NPAS2: variants seen among roughly 807,000 people sequenced by gnomAD.
NPAS2 encodes the protein neuronal PAS domain protein 2.
In NPAS2, 23 loss-of-function variants were observed where a neutral mutation model predicts 107.5. The ratio of observed to expected loss-of-function variants is 0.21; its 90% CI spans 0.15 to 0.30. The LOEUF is 0.30. Ranked by LOEUF, NPAS2 falls within the 10% of genes least tolerant of loss-of-function variation. The pLI is 1.00. For missense variants in NPAS2, 756 were observed against 1,043.3 expected (o/e 0.72, Z 3.79); for synonymous variants, 403 against 417.5 (o/e 0.97, Z 0.42).
At chr2:100,847,409 G>T (rs1573453325) in intron 1 of NPAS2, among the ~76,000 whole-genome samples, 2 of 151,000 alleles carry the variant, frequency 1.3e-5, no homozygotes, top group Admixed American at 1.3e-4. Flanking sequence ...TCGCTCTTTC[G>T]CCCAGGCTGG....
At chr2:100,866,740 C>T (rs917532396) in intron 1 of NPAS2, among the ~76,000 whole-genome samples, 1 of 152,176 alleles carries the variant, frequency 6.6e-6, no homozygotes, top group Non-Finnish European at 1.5e-5. Flanking sequence ...GTGAACAAAA[C>T]AAAGATTCCT....
chr2:100,890,572 G>A (rs577784917), intron 1 of NPAS2, among the ~76,000 whole-genome samples: 6 of 152,124 alleles, frequency 3.9e-5, no homozygotes, highest in Admixed American at 1.3e-4. Flanking sequence ...AGCCACTTGA[G>A]GGGCTCCAAA....
intron 3 of NPAS2, among the ~76,000 whole-genome samples, chr2:100,926,279 CT>C (rs1683555773): frequency 6.6e-6 from 1 of 152,090 alleles, no homozygotes; most frequent in South Asian, 2.1e-4. Context: ...GTTTTCACTT[CT>C]TTTGTTTGTA....
intron 1 of NPAS2, among the ~76,000 whole-genome samples, chr2:100,876,053 G>T (rs1224857735): frequency 6.6e-6 from 1 of 152,136 alleles, no homozygotes; most frequent in African/African-American, 2.4e-5. Flanking sequence ...CGAATTATTT[G>T]CTTTTCTCTA....
chr2:100,829,674 C>A (rs72627415), intron 1 of NPAS2, among the ~76,000 whole-genome samples: 1 of 152,110 alleles, frequency 6.6e-6, no homozygotes, highest in Non-Finnish European at 1.5e-5. Context: ...ATTACTCTGA[C>A]TAGCACTTCC....
At chr2:100,941,951 C>G (rs1486776670) in intron 5 of NPAS2, among the ~76,000 whole-genome samples, 1 of 152,150 alleles carries the variant, frequency 6.6e-6, no homozygotes, top group Non-Finnish European at 1.5e-5. Flanking sequence ...ATCATATCCC[C>G]AGCCCTGAAC....
chr2:100,878,736 T>A, intron 1 of NPAS2: 1 of 400,894 alleles, frequency 2.5e-6, no homozygotes, highest in Non-Finnish European at 3.4e-6. Context: ...TGTTTACTTG[T>A]TTGAAATTCA....
intron 3 of NPAS2, among the ~76,000 whole-genome samples, chr2:100,928,620 G>A (rs1419371778): frequency 6.6e-6 from 1 of 152,206 alleles, no homozygotes; most frequent in Non-Finnish European, 1.5e-5. Context: ...TGAGGATCAT[G>A]CCAGGATCTC....
At position 100,932,980 on chromosome 2, in the gene NPAS2, A is replaced by C. The variant is rs1268445939; in HGVS notation, c.252A>C (p.Glu84Asp). The C allele has an allele frequency of 6.2e-7, 1 of 1,613,422 alleles. No homozygotes were observed. The highest frequency in any genetic ancestry group is 8.5e-7 in the Non-Finnish European group (1 of 1,179,442). ...AGCCTTCATTCCTCAGTAATGAAGA[A>C]TTCACCCAGCTGATGTTGGAGGTGA... is the stretch of plus-strand genomic sequence containing the variant. Reference protein sequence around the residue: ...DWKPSFLSNEEFTQLMLEALD... With the variant: ...DWKPSFLSNEDFTQLMLEALD... The change falls in exon 4 of 21, where the codon GAA becomes GAC. Residue 84 changes from glutamate to aspartate, a missense_variant. By Grantham distance (45) the Glu-to-Asp change is conservative. Coordinates refer to ENST00000335681, the MANE Select transcript of NPAS2 (RefSeq NM_002518.4).
intron 6 of NPAS2, among the ~76,000 whole-genome samples, chr2:100,948,828 C>G (rs1675054772): frequency 6.6e-6 from 1 of 152,162 alleles, no homozygotes; most frequent in Non-Finnish European, 1.5e-5. Context: ...CTGTGGAATT[C>G]AGACGTTTTT....
chr2:100,825,388 T>C (rs904658858), intron 1 of NPAS2, among the ~76,000 whole-genome samples: 2 of 152,228 alleles, frequency 1.3e-5, no homozygotes, highest in Non-Finnish European at 2.9e-5. Flanking sequence ...GTTCAGTGTT[T>C]TTTCTATGCA....
At chr2:100,934,849 T>G (rs1684198172) in intron 4 of NPAS2, 1 of 985,056 alleles carries the variant, frequency 1.0e-6, no homozygotes, top group East Asian at 1.1e-4. Flanking sequence ...CATCTCTCTG[T>G]TTTTTTTCAG....
At chr2:100,978,075 G>A (rs1677143526) in intron 15 of NPAS2, among the ~76,000 whole-genome samples, 1 of 151,858 alleles carries the variant, frequency 6.6e-6, no homozygotes, top group African/African-American at 2.4e-5. Context: ...AAGTTCTTTA[G>A]GGGTGATTTC....
At chr2:100,852,134 T>C (rs548502756) in intron 1 of NPAS2, among the ~76,000 whole-genome samples, 1,899 of 152,258 alleles carry the variant, frequency 0.012, 15 homozygotes, top group Non-Finnish European at 0.021. Flanking sequence ...CGGTGGCTCC[T>C]GCCTGTAATC....
chr2:100,885,549 G>C (rs1233983119), intron 1 of NPAS2, among the ~76,000 whole-genome samples: 1 of 152,136 alleles, frequency 6.6e-6, no homozygotes, highest in Non-Finnish European at 1.5e-5. Flanking sequence ...TGAAAACTTC[G>C]TGCTTTATTT....
chr2:100,966,096 C>T (rs971731222), intron 10 of NPAS2, among the ~76,000 whole-genome samples: 30 of 152,022 alleles, frequency 2.0e-4, no homozygotes, highest in African/African-American at 4.8e-4. Context: ...GATAAAATAC[C>T]GAATTCTCAT....
intron 5 of NPAS2, among the ~76,000 whole-genome samples, chr2:100,941,321 T>C (rs1225586651): frequency 6.6e-6 from 1 of 152,178 alleles, no homozygotes; most frequent in African/African-American, 2.4e-5. Flanking sequence ...CTCTGCACTT[T>C]GGGAGACTGA....
chr2:100,904,855 G>C (rs577870907), intron 2 of NPAS2, 69 bp downstream of exon 2: 6 of 1,180,984 alleles, frequency 5.1e-6, no homozygotes, highest in Non-Finnish European at 7.5e-6. Context: ...GCAGAATCTC[G>C]CTGGCTTTCA....
chr2:100,858,170 T>C (rs533379294), intron 1 of NPAS2, among the ~76,000 whole-genome samples: 6 of 152,310 alleles, frequency 3.9e-5, no homozygotes, highest in African/African-American at 1.4e-4. Context: ...TTGCTGTAAT[T>C]TCTAGTTCCT....
Sources: allele counts gnomAD v4.1 joint callset (sites outside exome capture counted in the v4.1 genomes callset), GRCh38; gene constraint gnomAD v4.1.1; transcripts MANE v1.5; gene names NCBI Gene and HGNC (gene_info 2026-07-23, HGNC 2026-07-21).